Variants in CYP3A5 observed in about 807,000 individuals in gnomAD.
The protein encoded by CYP3A5 is cytochrome P450 family 3 subfamily A member 5.
Under a neutral mutation model 55.9 loss-of-function variants are expected in CYP3A5, and 51 were observed. That is an observed-to-expected ratio of 0.91 (90% confidence interval 0.73 to 1.15). CYP3A5 has a LOEUF of 1.15. Among genes scored for constraint, CYP3A5 ranks in the 50% most tolerant of loss-of-function variants. CYP3A5 has a pLI of 0.00. For missense variants in CYP3A5, 533 were observed against 596.6 expected (o/e 0.89, Z 1.11); for synonymous variants, 196 against 213.9 (o/e 0.92, Z 0.73).
At chr7:99,663,178 C>G in intron 8 of CYP3A5, 2 of 1,130,518 alleles carry the variant, frequency 1.8e-6, no homozygotes, top group Non-Finnish European at 2.2e-6. Context: ...AAAGAGTTGC[C>G]GGTTCCATCT....
At chr7:99,660,429 G>C in intron 10 of CYP3A5, 70 bp downstream of exon 10, 1 of 1,510,236 alleles carries the variant, frequency 6.6e-7, no homozygotes. Flanking sequence ...AATTCTCCTG[G>C]GGAGTGGTGA....
In CYP3A5 at chr7:99,652,553, C is replaced by T; in HGVS notation, c.1253G>A (p.Arg418Lys). Reference protein sequence around the residue: ...WTEPEEFRPERFSKKKDSIDP... With the variant: ...WTEPEEFRPEKFSKKKDSIDP... ...GCTCCATTTCCCTGGAGACTTGTAC[C>T]TTTCAGGGCGGAACTCCTCAGGCTC... The change falls in exon 11 of 13, where the codon AGG (arginine) becomes AAG (lysine). Residue 418 changes from arginine to lysine, a missense_variant and splice_region_variant. By Grantham distance (26) the Arg-to-Lys change is conservative. Coordinates refer to ENST00000222982, the MANE Select transcript of CYP3A5 (RefSeq NM_000777.5). The T allele has an allele frequency of 6.3e-7, 1 of 1,599,160 alleles. No homozygotes were observed. Among genetic ancestry groups the T allele is most frequent in the South Asian group, 1.1e-5 (1 of 88,872 alleles).
chr7:99,649,924 G>T (rs1365404733), intron 12 of CYP3A5, 149 bp downstream of exon 12: 2 of 1,001,278 alleles, frequency 2.0e-6, no homozygotes, highest in Non-Finnish European at 2.9e-6. Flanking sequence ...GTCCAGAACT[G>T]AAGCATCCTT....
At chr7:99,650,952 T>C (rs1223301917) in intron 11 of CYP3A5, among the ~76,000 whole-genome samples, 5 of 152,250 alleles carry the variant, frequency 3.3e-5, no homozygotes, top group Non-Finnish European at 7.3e-5. Context: ...TATTCAAATT[T>C]GATTTCTAAA....
At chr7:99,673,039 A>C in intron 3 of CYP3A5, 1 of 270,366 alleles carries the variant, frequency 3.7e-6, no homozygotes, top group Non-Finnish European at 5.9e-6. Context: ...TATATGTTTA[A>C]AATACTTCAT....
intron 6 of CYP3A5, 132 bp from the exon 7 acceptor site, chr7:99,665,446 T>C (rs1054199912): frequency 4.7e-6 from 6 of 1,289,592 alleles, no homozygotes; most frequent in Non-Finnish European, 6.6e-6. Context: ...ATCTGCTGAA[T>C]CATCTTCCAT....
chr7:99,663,821 CTTT>C, intron 8 of CYP3A5, 144 bp downstream of exon 8: 1 of 1,352,480 alleles, frequency 7.4e-7, no homozygotes, highest in Non-Finnish European at 9.5e-7. Context: ...CAATCTCCTT[CTTT>C]ATTTCTACCA....
intron 1 of CYP3A5, 21 bp from the exon 2 acceptor site, chr7:99,676,229 C>G (rs1283516175): frequency 6.2e-7 from 1 of 1,612,936 alleles, no homozygotes; most frequent in South Asian, 1.1e-5. Flanking sequence ...AAACAGAAAT[C>G]AGGTCACAGG....
rs375481307 is a variant in CYP3A5 at position 99,655,560 on chromosome 7, G to A, written c.1027-2781C>T. ...TGGCTTAGGATTGACTTGGCAATGCGGGCTCTTTTTTGGTTCCATATGAAC... is the reference window on the plus strand; with the variant it reads ...TGGCTTAGGATTGACTTGGCAATGCAGGCTCTTTTTTGGTTCCATATGAAC... On this transcript the variant is annotated intron_variant, in intron 10 of 12. Coordinates refer to ENST00000222982, the MANE Select transcript of CYP3A5 (RefSeq NM_000777.5). 1.1e-4 allele frequency among the ~76,000 whole-genome samples: 16 copies of A among 152,254 alleles called. No homozygotes were observed. The South Asian group carries it at 1.5e-3, about 14-fold the overall frequency.
At chr7:99,658,991 T>A (rs1810085736) in intron 10 of CYP3A5, 1 of 152,210 alleles carries the variant, frequency 6.6e-6, no homozygotes, top group Non-Finnish European at 1.5e-5. Flanking sequence ...GTCTAATCTT[T>A]TTTCAAGGTT....
At chr7:99,674,733 A>T (rs1812054819) in intron 2 of CYP3A5, 148 bp from the exon 3 acceptor site, 1 of 602,638 alleles carries the variant, frequency 1.7e-6, no homozygotes, top group Non-Finnish European at 2.9e-6. Context: ...AGATGTCTTA[A>T]GGGAAAGACA....
rs1489578513 is a variant in CYP3A5, at chr7:99,672,668, C to G, written c.230G>C (p.Gly77Ala). Residue 77 changes from glycine (G) to alanine (A), a missense_variant, in exon 4 of 13, where the codon GGT becomes GCT. By Grantham distance (60) the Gly-to-Ala change is moderately conservative (BLOSUM62 0). Coordinates refer to ENST00000222982, the MANE Select transcript of CYP3A5 (RefSeq NM_000777.5). ...TGTGATGGCCAGCACAGGGAGTTGACCTTCATACGTTCTGTGTGGGGACAA... is the reference window on the plus strand; with the variant it reads ...TGTGATGGCCAGCACAGGGAGTTGAGCTTCATACGTTCTGTGTGGGGACAA... ...KYGKMWGTYEGQLPVLAITDP... is the reference protein window; with the variant it reads ...KYGKMWGTYEAQLPVLAITDP... 2 of 1,614,068 alleles carry G rather than the reference C, an allele frequency of 1.2e-6. No homozygotes were observed. Among genetic ancestry groups the G allele is most frequent in the Admixed American group, 1.7e-5 (1 of 60,018 alleles).
chr7:99,665,939 T>C (rs1481561202), intron 6 of CYP3A5, among the ~76,000 whole-genome samples: 1 of 152,100 alleles, frequency 6.6e-6, no homozygotes, highest in African/African-American at 2.4e-5. Context: ...AAAAAATAGA[T>C]CTCTCCAACA....
intron 10 of CYP3A5, among the ~76,000 whole-genome samples, chr7:99,657,706 G>T (rs564506187): frequency 6.6e-6 from 1 of 152,276 alleles, no homozygotes; most frequent in African/African-American, 2.4e-5. Context: ...CATTATTATT[G>T]TGTGGGAGTC....
Position 99,679,953 on chromosome 7 carries a change from TG to T in CYP3A5, c.-58del. On this transcript the variant is annotated 5_prime_UTR_variant, in exon 1 of 13. Coordinates refer to ENST00000222982, the MANE Select transcript of CYP3A5 (RefSeq NM_000777.5). ...AGTCTTCCTTTTAGCTGAGTGCTGC[TG>T]TTTGCTGGGCTGTTTGCCTGGAGCT... is the stretch of plus-strand genomic sequence containing the variant. 4.0e-6 allele frequency: 6 copies of T among 1,497,764 alleles called. No homozygotes were observed. The Admixed American group carries it at 5.0e-5, about 13-fold the overall frequency. 92.8% of individuals were successfully genotyped at this position (1,497,764 alleles called of 1,614,324 possible). A position where few individuals can be genotyped will look rare whatever the true frequency, so the allele number is the denominator to read the frequency against.
intron 4 of CYP3A5, chr7:99,671,118 TGTGTG>T (rs1264830927): frequency 2.4e-4 from 1 of 4,140 alleles, no homozygotes; most frequent in Non-Finnish European, 3.8e-4. Flanking sequence ...ACAGACCATT[TGTGTG>T]TGTGTGTGTG....
chr7:99,666,862 A>G (rs1055255854), intron 5 of CYP3A5, 90 bp downstream of exon 5: 18 of 1,589,420 alleles, frequency 1.1e-5, no homozygotes, highest in Admixed American at 3.5e-5. Context: ...TCAGTGGACT[A>G]CCCCTTGGAA....
At chr7:99,676,484 C>T (rs903901602) in intron 1 of CYP3A5, 22 of 1,404,382 alleles carry the variant, frequency 1.6e-5, no homozygotes, top group Non-Finnish European at 2.1e-5. Context: ...CTCAAATGCT[C>T]CTGAGAGGTT....
intron 2 of CYP3A5, among the ~76,000 whole-genome samples, chr7:99,675,098 C>A (rs1472317030): frequency 1.3e-5 from 2 of 152,194 alleles, no homozygotes; most frequent in African/African-American, 4.8e-5. Context: ...TTAGATAAGT[C>A]TAAGGCATGT....
Sources: allele counts gnomAD v4.1 joint callset (sites outside exome capture counted in the v4.1 genomes callset), GRCh38; gene constraint gnomAD v4.1.1; transcripts MANE v1.5; gene names NCBI Gene and HGNC (gene_info 2026-07-23, HGNC 2026-07-21).